DNMT1: variants seen among roughly 807,000 people sequenced by gnomAD.
DNMT1 encodes the protein DNA (cytosine-5)-methyltransferase 1.
DNMT1 carries 24 observed loss-of-function variants against 205.3 expected under a neutral mutation model. That is an observed-to-expected ratio of 0.12 (90% CI 0.08 to 0.16). DNMT1 has a LOEUF of 0.16. Ranked by LOEUF, DNMT1 falls within the 10% of genes least tolerant of loss-of-function variation. The pLI, the probability that DNMT1 is intolerant of heterozygous loss-of-function variation, is 1.00. For synonymous variants in DNMT1, 817 were observed against 839.8 expected, an observed-to-expected ratio of 0.97 and a Z score of 0.47; for missense variants, 1,293 against 2,177.7, an observed-to-expected ratio of 0.59 and a Z score of 8.09.
In DNMT1 at chr19:10,146,340, G is replaced by A. The variant is rs1021902235; in HGVS notation, c.2894+11C>T. On this transcript the variant is annotated intron_variant, in intron 28 of 40. Transcript: ENST00000359526. The surrounding 1 kb of genome is among the most constrained non-coding windows in gnomAD (Gnocchi z 4.4). Reference sequence around the variant, plus strand: ...GCGCCCTGGCCCCGGCTGCTCCGAGGGGGCACTTACTTGAACGTGAAGGCC... The same window carrying A: ...GCGCCCTGGCCCCGGCTGCTCCGAGAGGGCACTTACTTGAACGTGAAGGCC... 1.9e-6 allele frequency: 3 copies of A among 1,613,682 alleles called. No homozygotes were observed. The highest frequency in any genetic ancestry group is 1.3e-5 in the African/African-American group (1 of 74,884).
intron 1 of DNMT1, among the ~76,000 whole-genome samples, chr19:10,186,438 G>A (rs556255168): frequency 1.6e-4 from 25 of 152,126 alleles, no homozygotes; most frequent in African/African-American, 4.6e-4. Flanking sequence ...CGTGAAGGAC[G>A]GAGCAGAGGA....
chr19:10,175,499 C>G (rs1187015875), intron 7 of DNMT1, 41 bp downstream of exon 7: 1 of 1,609,182 alleles, frequency 6.2e-7, no homozygotes, highest in African/African-American at 1.3e-5. Context: ...TCAAATACAC[C>G]AAGTTAAGGT....
At chr19:10,162,394 C>T (rs1216347905) in intron 13 of DNMT1, among the ~76,000 whole-genome samples, 1 of 151,752 alleles carries the variant, frequency 6.6e-6, no homozygotes, top group Non-Finnish European at 1.5e-5. Context: ...CTCAGCCTCT[C>T]GAGTAGCTGG....
intron 5 of DNMT1, among the ~76,000 whole-genome samples, chr19:10,178,212 G>A (rs993015304): frequency 1.3e-5 from 2 of 151,518 alleles, no homozygotes; most frequent in Non-Finnish European, 2.9e-5. Flanking sequence ...AGCCGAGATT[G>A]TGCCACTGCA....
chr19:10,136,022 G>T, intron 38 of DNMT1, 99 bp downstream of exon 38: 1 of 1,559,162 alleles, frequency 6.4e-7, no homozygotes, highest in East Asian at 2.3e-5. Context: ...TGGGGTCCTG[G>T]GGTGCTGTCC....
rs1221584713 is a variant in DNMT1, at chr19:10,143,820, C to G, written c.3062G>C (p.Ser1021Thr). 6.2e-7 allele frequency: 1 copy of G among 1,614,164 alleles called. No homozygotes were observed. The highest frequency in any genetic ancestry group is 2.2e-5 in the East Asian group (1 of 44,872). Residue 1021 changes from serine to threonine, a missense_variant, in exon 29 of 41, where the codon AGC becomes ACC. By Grantham distance (58) the Ser-to-Thr change is moderately conservative. Coordinates refer to ENST00000359526, the MANE Select transcript of DNMT1 (RefSeq NM_001130823.3). ...RIKEIFCPKK[S>T]NGRPNETDIK... ...GTCAGTCTCATTGGGCCTGCCGTTG[C>G]TCTTCTTGGGACAGAAGATCTCTTT...
Position 10,136,297 on chromosome 19 carries a change from A to G in DNMT1, c.4490-10T>C, listed in dbSNP as rs147697597. The G allele has an allele frequency of 3.7e-6, 6 of 1,613,602 alleles. No homozygotes were observed. Among genetic ancestry groups the G allele is most frequent in the Non-Finnish European group, 5.1e-6 (6 of 1,180,002 alleles). On this transcript the variant is annotated splice_polypyrimidine_tract_variant and intron_variant, in intron 37 of 40. Transcript: ENST00000359526. Reference sequence around the variant, plus strand: ...TCGCAGGCTTTGCCGGCTGGAAGACAGGACAGTGATGAGGCTGCAGTTGTG... The same window carrying G: ...TCGCAGGCTTTGCCGGCTGGAAGACGGGACAGTGATGAGGCTGCAGTTGTG...
intron 1 of DNMT1, chr19:10,194,595 A>G: frequency 1.9e-6 from 1 of 522,214 alleles, no homozygotes; most frequent in Non-Finnish European, 3.3e-6. Context: ...TCTAGCCACC[A>G]GGGAGCTACG....
intron 11 of DNMT1, 70 bp downstream of exon 11, chr19:10,166,528 C>T (rs2038696364): frequency 5.7e-6 from 9 of 1,586,426 alleles, no homozygotes; most frequent in East Asian, 2.2e-5. Flanking sequence ...CCCCACCCTG[C>T]GCACTCCCGC....
chr19:10,134,330 T>C, intron 39 of DNMT1, 23 bp from the exon 40 acceptor site: 1 of 1,611,952 alleles, frequency 6.2e-7, no homozygotes. Flanking sequence ...AGAAGGGCAA[T>C]GCCTGATGTG....
chr19:10,148,544 G>A (rs1180465339), intron 27 of DNMT1, among the ~76,000 whole-genome samples: 1 of 151,258 alleles, frequency 6.6e-6, no homozygotes, highest in African/African-American at 2.4e-5. Flanking sequence ...TCAAATAAGA[G>A]GTCTCATTTA....
chr19:10,181,778 G>A (rs1260373460), intron 2 of DNMT1, among the ~76,000 whole-genome samples: 3 of 151,912 alleles, frequency 2.0e-5, no homozygotes, highest in Non-Finnish European at 2.9e-5. Flanking sequence ...ACAGTGAGCC[G>A]AGATCATGCC....
intron 29 of DNMT1, chr19:10,143,008 C>T (rs1353653478): frequency 6.5e-6 from 1 of 153,544 alleles, no homozygotes; most frequent in Non-Finnish European, 1.4e-5. Flanking sequence ...AAGTGTATAG[C>T]TTCCTGTACA....
chr19:10,136,429 C>T lies in DNMT1; in HGVS notation c.4490-142G>A, dbSNP rs1050606316. On this transcript the variant is annotated intron_variant, in intron 37 of 40. Coordinates refer to ENST00000359526, the MANE Select transcript of DNMT1 (RefSeq NM_001130823.3). ...GGTGGAGCAGCCAACAATCCTCGTT[C>T]TCTGGGCACTGTTTTTATTATTAGT... The T allele has an allele frequency of 3.0e-6, 3 of 992,276 alleles. No individual in the cohort carries two copies. In the African/African-American group the frequency reaches 4.8e-5, roughly 16 times the overall value. The allele number at this position is 992,276 out of a possible 1,614,324, so 61.5% of individuals were successfully genotyped here.
chr19:10,140,880 C>T lies in DNMT1; in HGVS notation c.3424G>A (p.Glu1142Lys). 6.2e-7 allele frequency: 1 copy of T among 1,614,148 alleles called. No individual in the cohort carries two copies. The highest frequency in any genetic ancestry group is 8.5e-7 in the Non-Finnish European group (1 of 1,180,040). ...ATCTCTATCTCTGGCTCGCTCGGCT[C>T]ACAGGCTTGGGACTTGGGCTTGCCC... is the stretch of plus-strand genomic sequence containing the variant. ...GKGKPKSQAC[E>K]PSEPEIEIKL... Residue 1142 changes from glutamate (E) to lysine (K), a missense_variant, in exon 32 of 41, where the codon GAG becomes AAG. By Grantham distance (56) the Glu-to-Lys change is moderately conservative. Transcript: ENST00000359526. This position sits in a 1 kb window ranked among gnomAD's most constrained non-coding sequence, Gnocchi z 8.4.
chr19:10,194,167 C>T (rs2039356530), intron 1 of DNMT1, among the ~76,000 whole-genome samples: 1 of 152,216 alleles, frequency 6.6e-6, no homozygotes, highest in Non-Finnish European at 1.5e-5. Flanking sequence ...CTGCAATGCA[C>T]GGTTAAAGTT....
intron 19 of DNMT1, among the ~76,000 whole-genome samples, chr19:10,155,491 C>G (rs2038437957): frequency 6.6e-6 from 1 of 152,130 alleles, no homozygotes; most frequent in South Asian, 2.1e-4. Context: ...GTATGCACCA[C>G]CATGCGTGGC....
chr19:10,167,088 A>C (rs983635988), intron 10 of DNMT1, among the ~76,000 whole-genome samples: 1 of 151,398 alleles, frequency 6.6e-6, no homozygotes, highest in South Asian at 2.1e-4. Flanking sequence ...CCGAGTCTTC[A>C]CCTCCCACTC....
At chr19:10,161,035 G>A (rs1032306109) in intron 13 of DNMT1, among the ~76,000 whole-genome samples, 3 of 148,878 alleles carry the variant, frequency 2.0e-5, no homozygotes, top group South Asian at 2.1e-4. Flanking sequence ...GGCCGGGCGC[G>A]ATGGCTCACG....
Sources: gnomAD v4.1 joint callset for allele counts (sites outside exome capture counted in the v4.1 genomes callset) on GRCh38, gnomAD v4.1.1 for gene constraint, Gnocchi (gnomAD v3.1) non-coding constraint, MANE v1.5 for transcripts, NCBI Gene and HGNC (gene_info 2026-07-23, HGNC 2026-07-21) for gene names.